Variants in PIEZO2 observed in about 807,000 individuals in gnomAD.
PIEZO2 encodes piezo type mechanosensitive ion channel component 2, also known as piezo-type mechanosensitive ion channel component 2.
In PIEZO2, 172 loss-of-function variants were observed where a neutral mutation model predicts 337.3. The ratio of observed to expected loss-of-function variants is 0.51; its 90% CI spans 0.45 to 0.58. The LOEUF is 0.58. Ranked by LOEUF, PIEZO2 falls within the 20% of genes least tolerant of loss-of-function variation. PIEZO2 has a pLI of 0.00. For synonymous variants in PIEZO2, 1,251 were observed against 1,228.5 expected, an observed-to-expected ratio of 1.02 and a Z score of -0.38; for missense variants, 3,028 against 3,391.3, an observed-to-expected ratio of 0.89 and a Z score of 2.66.
intron 2 of PIEZO2, among the ~76,000 whole-genome samples, chr18:11,057,956 C>T (rs927797368): frequency 8.5e-5 from 13 of 152,202 alleles, no homozygotes; most frequent in Non-Finnish European, 1.2e-4. Context: ...CATGGGAAAG[C>T]ATCTAATAAT....
At chr18:10,706,188 C>T (rs73399315) in intron 40 of PIEZO2, among the ~76,000 whole-genome samples, 2,017 of 152,160 alleles carry the variant, frequency 0.013, 53 homozygotes, top group African/African-American at 0.045. Flanking sequence ...GGTATTCTAC[C>T]CTCCATCCTA....
chr18:10,843,752 G>T (rs2041265264), intron 7 of PIEZO2, among the ~76,000 whole-genome samples: 1 of 152,168 alleles, frequency 6.6e-6, no homozygotes, highest in African/African-American at 2.4e-5. Flanking sequence ...GAGTTGCCAG[G>T]TGAATTCTCC....
At chr18:10,799,150 C>A (rs553777207) in intron 11 of PIEZO2, among the ~76,000 whole-genome samples, 1 of 152,124 alleles carries the variant, frequency 6.6e-6, no homozygotes, top group Admixed American at 6.5e-5. Flanking sequence ...AAGAGTTATG[C>A]GAAAAGGCCC....
chr18:11,010,511 A>G (rs2584739), intron 2 of PIEZO2, among the ~76,000 whole-genome samples: 81,127 of 151,528 alleles, frequency 0.54, 21,927 homozygotes, highest in African/African-American at 0.6. Flanking sequence ...CAGAAATGAA[A>G]CAACAAACCA....
Position 11,112,704 on chromosome 18 carries a change from A to G in PIEZO2, c.64+35821T>C, listed in dbSNP as rs1305038632. ...CTATATAACTTTCTGAAAATAATGCAAGTGACACCTGGTGTTCTACTGTCT... is the reference window on the plus strand; with the variant it reads ...CTATATAACTTTCTGAAAATAATGCGAGTGACACCTGGTGTTCTACTGTCT... On this transcript the variant is annotated intron_variant, in intron 1 of 55. Transcript: ENST00000674853. This position sits in a 1 kb window ranked among gnomAD's most constrained non-coding sequence, Gnocchi z 4.3. 1.3e-5 allele frequency among the ~76,000 whole-genome samples: 2 copies of G among 152,230 alleles called. No homozygotes were observed. The highest frequency in any genetic ancestry group is 4.8e-5 in the African/African-American group (2 of 41,444).
At chr18:11,044,441 A>G (rs2037231870) in intron 2 of PIEZO2, among the ~76,000 whole-genome samples, 1 of 152,158 alleles carries the variant, frequency 6.6e-6, no homozygotes, top group Non-Finnish European at 1.5e-5. Flanking sequence ...CAGGCCTTCT[A>G]AAAAACATTT....
At chr18:10,777,559 C>T (rs993534224) in intron 18 of PIEZO2, among the ~76,000 whole-genome samples, 3 of 152,182 alleles carry the variant, frequency 2.0e-5, no homozygotes, top group African/African-American at 7.2e-5. Flanking sequence ...AATTACTTGA[C>T]AGGGACGCTC....
rs2040938123 is a variant in PIEZO2 at position 10,834,288 on chromosome 18, C to T, written c.917+21065G>A. 6.6e-6 allele frequency among the ~76,000 whole-genome samples: 1 copy of T among 152,068 alleles called. No individual in the cohort carries two copies. The highest frequency in any genetic ancestry group is 2.4e-5 in the African/African-American group (1 of 41,394). On this transcript the variant is annotated intron_variant, in intron 7 of 55. Coordinates refer to ENST00000674853, the MANE Select transcript of PIEZO2 (RefSeq NM_001378183.1). This position sits in a 1 kb window ranked among gnomAD's most constrained non-coding sequence, Gnocchi z 4.5. ...TGGCTTTGCCATCTCTATCCTGTGA[C>T]TTGGAGCAAATCACTTATCTACACC...
At chr18:10,779,425 CA>C (rs1235461836) in intron 18 of PIEZO2, among the ~76,000 whole-genome samples, 2 of 152,180 alleles carry the variant, frequency 1.3e-5, no homozygotes, top group African/African-American at 4.8e-5. Flanking sequence ...AGTTAGATCC[CA>C]AAGGATAACT....
At position 10,727,211 on chromosome 18, in the gene PIEZO2, G is replaced by T; in HGVS notation, c.5029+4196C>A. 1 of 308,358 alleles carries T rather than the reference G, an allele frequency of 3.2e-6. No individual in the cohort carries two copies. Among genetic ancestry groups the T allele is most frequent in the Admixed American group, 5.1e-5 (1 of 19,678 alleles). The allele number at this position is 308,358 out of a possible 1,614,324, so 19.1% of individuals were successfully genotyped here. On this transcript the variant is annotated intron_variant, in intron 36 of 55. Coordinates refer to ENST00000674853, the MANE Select transcript of PIEZO2 (RefSeq NM_001378183.1). This position sits in a 1 kb window ranked among gnomAD's most constrained non-coding sequence, Gnocchi z 6.3. Reference sequence around the variant, plus strand: ...TGTTGAGCAGAGGGAAGGCATGGGGGCAGGAAGGGAGCTGAGCATTGATGG... The same window carrying T: ...TGTTGAGCAGAGGGAAGGCATGGGGTCAGGAAGGGAGCTGAGCATTGATGG...
At chr18:10,944,247 G>T (rs1396899269) in intron 3 of PIEZO2, among the ~76,000 whole-genome samples, 1 of 151,838 alleles carries the variant, frequency 6.6e-6, no homozygotes, top group East Asian at 1.9e-4. Flanking sequence ...AAGCTCAAAA[G>T]AAATTATCCA....
chr18:11,060,242 G>C (rs2037893212), intron 2 of PIEZO2, among the ~76,000 whole-genome samples: 1 of 151,856 alleles, frequency 6.6e-6, no homozygotes, highest in East Asian at 1.9e-4. Flanking sequence ...AGAATCTCTG[G>C]GACACATCCA....
chr18:11,019,249 T>A (rs2036229401), intron 2 of PIEZO2, among the ~76,000 whole-genome samples: 2 of 152,210 alleles, frequency 1.3e-5, no homozygotes, highest in South Asian at 2.1e-4. Context: ...ACCAGAGAGA[T>A]CTTTTAAAGA....
chr18:10,772,867 C>G (rs1262037280), intron 20 of PIEZO2, among the ~76,000 whole-genome samples: 2 of 152,164 alleles, frequency 1.3e-5, no homozygotes, highest in African/African-American at 4.8e-5. Flanking sequence ...GATTGAAACT[C>G]CTGTAACAAC....
chr18:10,871,498 C>A, intron 4 of PIEZO2, 83 bp from the exon 5 acceptor site: 3 of 1,279,378 alleles, frequency 2.3e-6, no homozygotes, highest in South Asian at 1.6e-5. Flanking sequence ...ATGTTTTGGT[C>A]TTCTTAATGA....
chr18:10,736,779 A>G, intron 33 of PIEZO2, 69 bp from the exon 34 acceptor site: 1 of 1,473,274 alleles, frequency 6.8e-7, no homozygotes, highest in Non-Finnish European at 9.1e-7. Flanking sequence ...TATTAATGAA[A>G]TGTCCCCTAA....
chr18:10,767,077 A>T lies in PIEZO2; in HGVS notation c.2946+3071T>A, dbSNP rs373697423. ...CCCCCCAGGGAGGAGCTGAGGTGCTAACAGAAAGTGTGGCTCTTGCTCAAG... is the reference window on the plus strand; with the variant it reads ...CCCCCCAGGGAGGAGCTGAGGTGCTTACAGAAAGTGTGGCTCTTGCTCAAG... On this transcript the variant is annotated intron_variant, in intron 21 of 55. Transcript: ENST00000674853. The surrounding 1 kb of genome is among the most constrained non-coding windows in gnomAD (Gnocchi z 4.2). Among the ~76,000 whole-genome samples the T allele has an allele frequency of 1.4e-5, 2 of 142,118 alleles. No individual in the cohort carries two copies. Among genetic ancestry groups the T allele is most frequent in the East Asian group, 4.5e-4 (2 of 4,434 alleles). The allele number at this position is 142,118 out of a possible 152,430, so 93.2% of individuals were successfully genotyped here. A position where few individuals can be genotyped will look rare whatever the true frequency, so the allele number is the denominator to read the frequency against.
chr18:11,124,779 T>G (rs1269500705), intron 1 of PIEZO2, among the ~76,000 whole-genome samples: 2 of 152,118 alleles, frequency 1.3e-5, no homozygotes, highest in Non-Finnish European at 2.9e-5. Context: ...TACCTGCCCC[T>G]CAGAATAAAC....
At chr18:10,955,768 T>C (rs2033491401) in intron 3 of PIEZO2, among the ~76,000 whole-genome samples, 1 of 152,254 alleles carries the variant, frequency 6.6e-6, no homozygotes, top group Non-Finnish European at 1.5e-5. Flanking sequence ...GATGTTTTCT[T>C]AGTAAGTAAG....
Sources: gnomAD v4.1 joint callset for allele counts (sites outside exome capture counted in the v4.1 genomes callset) on GRCh38, gnomAD v4.1.1 for gene constraint, Gnocchi (gnomAD v3.1) non-coding constraint, MANE v1.5 for transcripts, NCBI Gene and HGNC (gene_info 2026-07-23, HGNC 2026-07-21) for gene names.